Variants in SCAPER observed in about 807,000 individuals in gnomAD.
The protein encoded by SCAPER is S phase cyclin A-associated protein in the endoplasmic reticulum.
In SCAPER, 98 loss-of-function variants were observed where a neutral mutation model predicts 182.2. The ratio of observed to expected loss-of-function variants is 0.54; its 90% CI spans 0.46 to 0.64. The LOEUF (loss-of-function observed/expected upper bound fraction) is 0.64. Among genes scored for constraint, SCAPER ranks in the 30% least tolerant of loss-of-function variants. SCAPER has a pLI of 0.00. For missense variants in SCAPER, 1,432 were observed against 1,690.0 expected, an observed-to-expected ratio of 0.85 and a Z score of 2.68; for synonymous variants, 605 against 564.6, an observed-to-expected ratio of 1.07 and a Z score of -1.01.
At chr15:76,534,232 A>G (rs966396896) in intron 23 of SCAPER, among the ~76,000 whole-genome samples, 1 of 152,208 alleles carries the variant, frequency 6.6e-6, no homozygotes, top group South Asian at 2.1e-4. Context: ...TACGACAAAC[A>G]TTGTGCTGAA....
intron 7 of SCAPER, among the ~76,000 whole-genome samples, chr15:76,798,522 C>A (rs898944954): frequency 1.3e-5 from 2 of 151,692 alleles, no homozygotes; most frequent in Admixed American, 6.6e-5. Context: ...GCAAAAACTT[C>A]CCAAATTTGA....
rs563560474 is a variant in SCAPER, at chr15:76,713,067, C to A, written c.2166-7083G>T. Among the ~76,000 whole-genome samples the A allele has an allele frequency of 9.9e-5, 15 of 152,164 alleles. No individual in the cohort carries two copies. In the East Asian group the frequency reaches 2.5e-3, roughly 25 times the overall value. ...TTTTGCCCATTCAGTATGATATTGG[C>A]TGTGGGTTTGTCATAGATAGCTCTT... is the stretch of plus-strand genomic sequence containing the variant. On this transcript the variant is annotated intron_variant, in intron 17 of 31. Transcript: ENST00000563290.
At chr15:76,859,622 A>C (rs1429646517) in intron 3 of SCAPER, among the ~76,000 whole-genome samples, 1 of 152,250 alleles carries the variant, frequency 6.6e-6, no homozygotes, top group Non-Finnish European at 1.5e-5. Context: ...ACAATATAAA[A>C]TAATCCTTAA....
chr15:76,833,316 C>G (rs537271754), intron 5 of SCAPER, among the ~76,000 whole-genome samples: 15 of 152,244 alleles, frequency 9.9e-5, no homozygotes, highest in African/African-American at 3.1e-4. Flanking sequence ...CCTTTTGACA[C>G]AAGCAAATGC....
rs112720973 is a variant in SCAPER, at chr15:76,733,127, C to T, written c.2022+102G>A. 597 of 1,004,144 alleles carry T rather than the reference C, an allele frequency of 5.9e-4. 1 individual carries two copies. Among genetic ancestry groups the T allele is most frequent in the African/African-American group, 5.9e-3 (363 of 61,276 alleles). The allele number at this position is 1,004,144 out of a possible 1,614,324, so 62.2% of individuals were successfully genotyped here. A position where few individuals can be genotyped will look rare whatever the true frequency, so the allele number is the denominator to read the frequency against. ...CTTATGTCTTTATTTCTACAATCTC[C>T]CATCTCCGCACATGGGGAGAAAAAC... On this transcript the variant is annotated intron_variant, in intron 16 of 31. Coordinates refer to ENST00000563290, the MANE Select transcript of SCAPER (RefSeq NM_020843.4).
At chr15:76,553,826 T>G (rs1031470210) in intron 23 of SCAPER, among the ~76,000 whole-genome samples, 1 of 151,900 alleles carries the variant, frequency 6.6e-6, no homozygotes, top group African/African-American at 2.4e-5. Flanking sequence ...AAAAAAAAAC[T>G]CATTCAAAGG....
At chr15:76,901,743 G>A (rs921840799) in intron 1 of SCAPER, among the ~76,000 whole-genome samples, 3 of 150,472 alleles carry the variant, frequency 2.0e-5, no homozygotes, top group Non-Finnish European at 3.0e-5. Flanking sequence ...TTTTTGAGAC[G>A]GAGTCTCGCT....
rs547701162 is a variant in SCAPER at position 76,384,962 on chromosome 15, A to G, written c.3468-3347T>C. ...ATGAAGTTTTCTTCAAAAAATACAT[A>G]GAAGATGTGAAAAATAAGATCTGAA... On this transcript the variant is annotated intron_variant, in intron 27 of 31. Coordinates refer to ENST00000563290, the MANE Select transcript of SCAPER (RefSeq NM_020843.4). Among the ~76,000 whole-genome samples the G allele has an allele frequency of 2.0e-5, 3 of 152,366 alleles. No homozygotes were observed. The East Asian group carries it at 5.8e-4, about 29-fold the overall frequency.
chr15:76,351,243 G>GT lies in SCAPER; in HGVS notation c.4092dup (p.Pro1365ThrfsTer13). 2 of 1,609,840 alleles carry GT rather than the reference G, an allele frequency of 1.2e-6. No individual in the cohort carries two copies. Among genetic ancestry groups the GT allele is most frequent in the Non-Finnish European group, 1.7e-6 (2 of 1,177,992 alleles). On this transcript the variant is annotated frameshift_variant, in exon 31 of 32. Transcript: ENST00000563290. LOFTEE classifies it high-confidence loss of function. Reference sequence around the variant, plus strand: ...AATTTCAATAGAGACATACCTTTGGGTTGGTAAGGCTGGTTTTCCGCTTGA... The same window carrying GT: ...AATTTCAATAGAGACATACCTTTGGGTTTGGTAAGGCTGGTTTTCCGCTTGA...
At chr15:76,735,949 T>G (rs1471901617) in intron 15 of SCAPER, among the ~76,000 whole-genome samples, 2 of 152,188 alleles carry the variant, frequency 1.3e-5, no homozygotes, top group Non-Finnish European at 1.5e-5. Context: ...ATCTGTGGGT[T>G]CTGCATCCAT....
Position 76,703,010 on chromosome 15 carries a change from T to A in SCAPER, c.2248-8A>T. 2.0e-6 allele frequency: 3 copies of A among 1,532,598 alleles called. No homozygotes were observed. The highest frequency in any genetic ancestry group is 2.6e-6 in the Non-Finnish European group (3 of 1,145,248). The allele number at this position is 1,532,598 out of a possible 1,614,324, so 94.9% of individuals were successfully genotyped here. A position where few individuals can be genotyped will look rare whatever the true frequency, so the allele number is the denominator to read the frequency against. ...TCGAATACTTTCATCATGCTGTAGA[T>A]GAAGTCAAAGTGCAAGAATTTCAAA... On this transcript the variant is annotated splice_region_variant and splice_polypyrimidine_tract_variant and intron_variant, in intron 18 of 31. Coordinates refer to ENST00000563290, the MANE Select transcript of SCAPER (RefSeq NM_020843.4).
intron 29 of SCAPER, among the ~76,000 whole-genome samples, chr15:76,374,251 C>T (rs937014915): frequency 6.6e-6 from 1 of 151,578 alleles, no homozygotes; most frequent in Admixed American, 6.6e-5. Flanking sequence ...TAGCTGGGCA[C>T]GGTGGTGGGT....
intron 8 of SCAPER, among the ~76,000 whole-genome samples, chr15:76,779,800 T>C (rs2063985505): frequency 2.0e-5 from 3 of 152,134 alleles, no homozygotes; most frequent in Middle Eastern, 6.8e-3. Flanking sequence ...AACAAAATAA[T>C]AGTATATGAA....
At chr15:76,517,116 A>C (rs916154456) in intron 23 of SCAPER, among the ~76,000 whole-genome samples, 1 of 152,054 alleles carries the variant, frequency 6.6e-6, no homozygotes, top group African/African-American at 2.4e-5. Flanking sequence ...GCTGTGGGAA[A>C]ATCTTGCATG....
At chr15:76,616,154 G>A (rs1228228067) in intron 22 of SCAPER, among the ~76,000 whole-genome samples, 3 of 152,100 alleles carry the variant, frequency 2.0e-5, no homozygotes, top group African/African-American at 7.2e-5. Context: ...ATTAAAAACA[G>A]GGACTCAAAG....
chr15:76,811,516 C>T lies in SCAPER; in HGVS notation c.394-6883G>A, dbSNP rs141248919. On this transcript the variant is annotated intron_variant, in intron 5 of 31. Coordinates refer to ENST00000563290, the MANE Select transcript of SCAPER (RefSeq NM_020843.4). ...GTATAAAAAGGAGGTTTGGGCCAGGCGCGGTGGCTCATGCCTGTAATCCCA... is the reference window on the plus strand; with the variant it reads ...GTATAAAAAGGAGGTTTGGGCCAGGTGCGGTGGCTCATGCCTGTAATCCCA... 3.4e-3 allele frequency among the ~76,000 whole-genome samples: 513 copies of T among 152,300 alleles called. 5 individuals carry two copies. The highest frequency in any genetic ancestry group is 0.011 in the African/African-American group (474 of 41,562).
intron 24 of SCAPER, among the ~76,000 whole-genome samples, chr15:76,497,891 T>C (rs2040707356): frequency 1.4e-5 from 2 of 144,038 alleles, no homozygotes; most frequent in South Asian, 4.5e-4. Flanking sequence ...CTCGGGAGGC[T>C]GAGGCAGGAG....
At chr15:76,460,178 A>G (rs1159516672) in intron 25 of SCAPER, among the ~76,000 whole-genome samples, 1 of 152,062 alleles carries the variant, frequency 6.6e-6, no homozygotes, top group Non-Finnish European at 1.5e-5. Flanking sequence ...TAGTCATTTT[A>G]TTACATTAAT....
At chr15:76,421,087 G>A (rs1233620133) in intron 26 of SCAPER, among the ~76,000 whole-genome samples, 1 of 152,200 alleles carries the variant, frequency 6.6e-6, no homozygotes, top group Non-Finnish European at 1.5e-5. Context: ...ACATACGTGT[G>A]CATGTGTCTT....
Sources: gnomAD v4.1 joint callset for allele counts (sites outside exome capture counted in the v4.1 genomes callset) on GRCh38, gnomAD v4.1.1 for gene constraint, MANE v1.5 for transcripts, NCBI Gene and HGNC (gene_info 2026-07-23, HGNC 2026-07-21) for gene names.